PLEKHF1: variants seen among roughly 807,000 people sequenced by gnomAD.
The protein encoded by PLEKHF1 is pleckstrin homology and FYVE domain containing 1.
In PLEKHF1, 1 loss-of-function variant was observed where a neutral mutation model predicts 4.1. That is an observed-to-expected ratio of 0.24 (90% CI 0.09 to 1.15). The LOEUF (loss-of-function observed/expected upper bound fraction) is 1.15, where lower values mean the gene tolerates loss of function less well. Ranked by LOEUF, PLEKHF1 falls within the 50% of genes most tolerant of loss-of-function variation. The pLI, the probability that PLEKHF1 is intolerant of heterozygous loss-of-function variation, is 0.52. For synonymous variants in PLEKHF1, 182 were observed against 178.5 expected, an observed-to-expected ratio of 1.02 and a Z score of -0.16; for missense variants, 429 against 400.6, an observed-to-expected ratio of 1.07 and a Z score of -0.60.
In PLEKHF1 at chr19:29,673,879, C is replaced by A. The variant is rs139569326; in HGVS notation, c.40C>A (p.Arg14Ser). Residue 14 changes from arginine to serine, a missense_variant, in exon 2 of 2, where the codon CGC becomes AGC. Coordinates refer to ENST00000436066, the MANE Select transcript of PLEKHF1 (RefSeq NM_024310.5). Reference sequence around the variant, plus strand: ...GGCCAACACGGAGATCAACAGCCAGCGCATCGCGGCAGTGGAGAGCTGCTT... The same window carrying A: ...GGCCAACACGGAGATCAACAGCCAGAGCATCGCGGCAGTGGAGAGCTGCTT... ...HLANTEINSQ[R>S]IAAVESCFGA... 1.2e-6 allele frequency: 2 copies of A among 1,608,448 alleles called. No individual in the cohort carries two copies. The highest frequency in any genetic ancestry group is 1.7e-6 in the Non-Finnish European group (2 of 1,176,220).
rs199994269 is a variant in PLEKHF1 at position 29,674,103 on chromosome 19, G to T, written c.264G>T (p.Glu88Asp). ...HIIPLEEVTL[E>D]LLPETLQAKN... is the part of the protein sequence containing the mutation. ...TCCCCCTGGAGGAGGTCACACTGGA[G>T]CTGTTGCCGGAGACGCTGCAGGCCA... Residue 88 changes from glutamate (E) to aspartate (D), a missense_variant, in exon 2 of 2, where the codon GAG (glutamate) becomes GAT (aspartate). By Grantham distance (45) the Glu-to-Asp change is conservative. Transcript: ENST00000436066. 4 of 1,613,872 alleles carry T rather than the reference G, an allele frequency of 2.5e-6. No individual in the cohort carries two copies. Among genetic ancestry groups the T allele is most frequent in the Non-Finnish European group, 3.4e-6 (4 of 1,180,022 alleles).
Sources: allele counts gnomAD v4.1 joint callset, GRCh38; gene constraint gnomAD v4.1.1; transcripts MANE v1.5; gene names NCBI Gene and HGNC (gene_info 2026-07-23, HGNC 2026-07-21).